PIK3R6: variants seen among roughly 807,000 people sequenced by gnomAD.
The protein encoded by PIK3R6 is phosphoinositide-3-kinase regulatory subunit 6.
PIK3R6 carries 91 observed loss-of-function variants against 84.9 expected under a neutral mutation model. That is an observed-to-expected ratio of 1.07 (90% CI 0.90 to 1.28). The LOEUF (loss-of-function observed/expected upper bound fraction) is 1.28. PIK3R6 is among the 50% of genes most tolerant of loss of function. PIK3R6 has a pLI of 0.00. For missense variants in PIK3R6, 996 were observed against 985.1 expected (o/e 1.01, Z -0.15); for synonymous variants, 416 against 411.4 (o/e 1.01, Z -0.13).
intron 14 of PIK3R6, 45 bp downstream of exon 14, chr17:8,823,342 C>T (rs748444197): frequency 7.5e-5 from 105 of 1,393,180 alleles, no homozygotes; most frequent in Non-Finnish European, 9.4e-5. Flanking sequence ...GGTATTTAAT[C>T]GGTGGGGTCC....
intron 2 of PIK3R6, among the ~76,000 whole-genome samples, chr17:8,843,875 C>G (rs2088753303): frequency 6.6e-6 from 1 of 152,030 alleles, no homozygotes; most frequent in South Asian, 2.1e-4. Context: ...CTCTGCCTGG[C>G]CCCTGGAGGC....
chr17:8,803,238 G>A lies in PIK3R6; in HGVS notation c.*35C>T, dbSNP rs917747294. The A allele has an allele frequency of 6.2e-7, 1 of 1,610,450 alleles. No homozygotes were observed. Among genetic ancestry groups the A allele is most frequent in the Non-Finnish European group, 8.5e-7 (1 of 1,178,790 alleles). On this transcript the variant is annotated 3_prime_UTR_variant, in exon 20 of 20. Coordinates refer to ENST00000619866, the MANE Select transcript of PIK3R6 (RefSeq NM_001010855.4). This position sits in a 1 kb window ranked among gnomAD's most constrained non-coding sequence, Gnocchi z 5.0. ...GAGTGTTTGGAGTTGGTGGGGTAGT[G>A]TATCCTTCCTCCTGGGCCTGCTGTC...
chr17:8,835,613 A>G (rs2088429837), intron 7 of PIK3R6, among the ~76,000 whole-genome samples, 157 bp from the exon 8 acceptor site: 1 of 152,176 alleles, frequency 6.6e-6, no homozygotes, highest in Non-Finnish European at 1.5e-5. Context: ...TGGGATGACA[A>G]TAGGGAGTGG....
intron 9 of PIK3R6, among the ~76,000 whole-genome samples, chr17:8,831,195 T>C (rs1330823858): frequency 5.2e-5 from 7 of 135,830 alleles, no homozygotes; most frequent in Non-Finnish European, 1.5e-5. Flanking sequence ...CCAGGTGTGG[T>C]GGCACGTGCC....
intron 1 of PIK3R6, among the ~76,000 whole-genome samples, chr17:8,850,889 G>A (rs925095304): frequency 1.1e-4 from 17 of 152,202 alleles, no homozygotes; most frequent in Admixed American, 7.9e-4. Context: ...CTCTAGAAGA[G>A]TTAGAAAAAC....
At chr17:8,827,786 G>C (rs1258658561) in intron 12 of PIK3R6, among the ~76,000 whole-genome samples, 13 of 139,242 alleles carry the variant, frequency 9.3e-5, no homozygotes, top group African/African-American at 3.7e-4. Context: ...GAGAGAGAGA[G>C]AGAGAGAGAG....
Position 8,824,662 on chromosome 17 carries a change from C to T in PIK3R6, c.1516-1165G>A, listed in dbSNP as rs151150778. On this transcript the variant is annotated intron_variant, in intron 13 of 19. Coordinates refer to ENST00000619866, the MANE Select transcript of PIK3R6 (RefSeq NM_001010855.4). ...TACAAGGAGAAGGGGAAAACCAAAA[C>T]CTTACAGTGTCCCAGCGGAGAAAAA... Among the ~76,000 whole-genome samples the T allele has an allele frequency of 2.2e-3, 335 of 152,298 alleles. 5 individuals are homozygous for T. The highest frequency in any genetic ancestry group is 7.6e-3 in the African/African-American group (316 of 41,548).
At chr17:8,847,580 C>A (rs955563103) in intron 2 of PIK3R6, among the ~76,000 whole-genome samples, 5 of 152,134 alleles carry the variant, frequency 3.3e-5, no homozygotes, top group Admixed American at 2.6e-4. Flanking sequence ...GCAGGTGTAT[C>A]ACCTGAGGTC....
intron 2 of PIK3R6, among the ~76,000 whole-genome samples, chr17:8,840,342 T>C (rs998256067): frequency 1.5e-5 from 2 of 133,272 alleles, no homozygotes; most frequent in Non-Finnish European, 3.3e-5. Flanking sequence ...GTATATGAAA[T>C]ATATATAGCC....
At chr17:8,855,701 G>A (rs547744661) in intron 1 of PIK3R6, among the ~76,000 whole-genome samples, 4 of 152,292 alleles carry the variant, frequency 2.6e-5, no homozygotes, top group East Asian at 1.9e-4. Flanking sequence ...CCATCAACCC[G>A]TCAGGAGGAA....
rs184253195 is a variant in PIK3R6 at position 8,807,900 on chromosome 17, T to A, written c.1996-3747A>T. ...CCAGCTGGAAGGAGATAGATGAAGG[T>A]CAGACTTGGGGTGACCAACTTGCTT... is the stretch of plus-strand genomic sequence containing the variant. On this transcript the variant is annotated intron_variant, in intron 18 of 19. Transcript: ENST00000619866. Among the ~76,000 whole-genome samples, 757 of 152,190 alleles carry A rather than the reference T, an allele frequency of 5.0e-3. 4 individuals carry two copies. The highest frequency in any genetic ancestry group is 8.9e-3 in the Non-Finnish European group (607 of 67,976).
At chr17:8,815,520 A>G (rs9303232) in intron 18 of PIK3R6, among the ~76,000 whole-genome samples, 2,379 of 151,910 alleles carry the variant, frequency 0.016, 38 homozygotes, top group African/African-American at 0.04. Context: ...AAAAAAAAAA[A>G]GGTTGATCAC....
chr17:8,805,463 C>A (rs2087176014), intron 18 of PIK3R6, among the ~76,000 whole-genome samples: 1 of 152,152 alleles, frequency 6.6e-6, no homozygotes, highest in African/African-American at 2.4e-5. Context: ...CTAGGCCAAG[C>A]CCCCACCTAT....
At chr17:8,841,662 AG>A (rs2088679910) in intron 2 of PIK3R6, among the ~76,000 whole-genome samples, 1 of 152,040 alleles carries the variant, frequency 6.6e-6, no homozygotes, top group African/African-American at 2.4e-5. Context: ...AATAAGTTCC[AG>A]AATAATTTCT....
chr17:8,829,603 CACACACTGACACACGCAT>C, intron 10 of PIK3R6, 85 bp downstream of exon 10: 1 of 1,201,654 alleles, frequency 8.3e-7, no homozygotes, highest in Non-Finnish European at 1.2e-6. Context: ...CTCATGCATA[CACACACTGACACACGCAT>C]GCACACTGAC....
intron 16 of PIK3R6, 81 bp from the exon 17 acceptor site, chr17:8,822,017 C>T: frequency 8.6e-7 from 1 of 1,167,574 alleles, no homozygotes; most frequent in African/African-American, 1.5e-5. Context: ...ACAGTCTTGC[C>T]TCTCTCCCCT....
intron 1 of PIK3R6, among the ~76,000 whole-genome samples, chr17:8,850,237 G>A (rs557487809): frequency 2.6e-5 from 4 of 151,564 alleles, no homozygotes; most frequent in South Asian, 2.1e-4. Flanking sequence ...CCTGGGAGGC[G>A]GATGTTGCAG....
chr17:8,839,768 C>A lies in PIK3R6; in HGVS notation c.14-71G>T, dbSNP rs145210756. The A allele has an allele frequency of 2.3e-6, 3 of 1,296,884 alleles. No homozygotes were observed. Among genetic ancestry groups the A allele is most frequent in the African/African-American group, 1.5e-5 (1 of 66,832 alleles). The allele number at this position is 1,296,884 out of a possible 1,614,324, so 80.3% of individuals were successfully genotyped here. A position where few individuals can be genotyped will look rare whatever the true frequency, so the allele number is the denominator to read the frequency against. On this transcript the variant is annotated intron_variant, in intron 2 of 19. Transcript: ENST00000619866. The surrounding 1 kb of genome is among the most constrained non-coding windows in gnomAD (Gnocchi z 4.2). ...ACCCTCGTCCCACCTCCATTCCTTC[C>A]GAGAGTGTCTTTAGCCATTTCTCTG...
chr17:8,826,813 G>A (rs1403957462), intron 13 of PIK3R6, among the ~76,000 whole-genome samples: 2 of 151,992 alleles, frequency 1.3e-5, no homozygotes, highest in Non-Finnish European at 2.9e-5. Context: ...ATAGATAAAT[G>A]ATAAAAAAAG....
Sources: allele counts gnomAD v4.1 joint callset (sites outside exome capture counted in the v4.1 genomes callset), GRCh38; gene constraint gnomAD v4.1.1; non-coding constraint Gnocchi (gnomAD v3.1); transcripts MANE v1.5; gene names NCBI Gene and HGNC (gene_info 2026-07-23, HGNC 2026-07-21).